Variants in PSORS1C1 observed in about 807,000 individuals in gnomAD.
PSORS1C1 encodes the protein psoriasis susceptibility 1 candidate gene 1 protein.
Under a neutral mutation model 9.4 loss-of-function variants are expected in PSORS1C1, and 7 were observed. The observed-to-expected ratio is 0.75, with a 90% CI of 0.42 to 1.40. The LOEUF is 1.40. PSORS1C1 is among the 40% of genes most tolerant of loss of function. The pLI is 0.01. For synonymous variants in PSORS1C1, 63 were observed against 69.4 expected, an observed-to-expected ratio of 0.91 and a Z score of 0.46; for missense variants, 146 against 178.1, an observed-to-expected ratio of 0.82 and a Z score of 1.02.
At position 31,139,119 on chromosome 6, in the gene PSORS1C1, A is replaced by G; in HGVS notation, c.167+340A>G. ...ATAGGGGAGGAGTGGAGGAGGGACC[A>G]GCCCAGTGGCACAGGAATACCATCA... On this transcript the variant is annotated intron_variant, in intron 5 of 5. Transcript: ENST00000259881. The surrounding 1 kb of genome is among the most constrained non-coding windows in gnomAD (Gnocchi z 5.2). 2 of 961,582 alleles carry G rather than the reference A, an allele frequency of 2.1e-6. No individual in the cohort carries two copies. Among genetic ancestry groups the G allele is most frequent in the Admixed American group, 1.9e-5 (1 of 51,564 alleles). 59.6% of individuals were successfully genotyped at this position (961,582 alleles called of 1,614,324 possible). A position where few individuals can be genotyped will look rare whatever the true frequency, so the allele number is the denominator to read the frequency against.
chr6:31,122,469 G>C (rs888938192), intron 1 of PSORS1C1, among the ~76,000 whole-genome samples: 3 of 152,138 alleles, frequency 2.0e-5, no homozygotes, highest in African/African-American at 7.2e-5. Context: ...GTGAGACAGA[G>C]ATACCATTTA....
intron 3 of PSORS1C1, among the ~76,000 whole-genome samples, chr6:31,135,729 T>C (rs1176938388): frequency 6.6e-6 from 1 of 152,172 alleles, no homozygotes; most frequent in Non-Finnish European, 1.5e-5. Context: ...ACTAGGAATA[T>C]TCACAAGGAT....
rs574245369 is a variant in PSORS1C1, at chr6:31,128,708, A to T, written c.-64-861A>T. Among the ~76,000 whole-genome samples, 9 of 152,320 alleles carry T rather than the reference A, an allele frequency of 5.9e-5. No individual in the cohort carries two copies. The South Asian group carries it at 1.9e-3, about 32-fold the overall frequency. On this transcript the variant is annotated intron_variant, in intron 2 of 5. Transcript: ENST00000259881. This position sits in a 1 kb window ranked among gnomAD's most constrained non-coding sequence, Gnocchi z 4.3. ...AGCAGGAGAAGAAAAATGTACAGTA[A>T]GAGAGCTTAAGTTTATACCAAAGCG...
intron 1 of PSORS1C1, chr6:31,117,042 C>T (rs1406714788): frequency 1.2e-6 from 2 of 1,614,110 alleles, no homozygotes; most frequent in African/African-American, 2.7e-5. Flanking sequence ...TTTGTCCAGG[C>T]TGGGAAGGGT....
intron 3 of PSORS1C1, among the ~76,000 whole-genome samples, chr6:31,130,626 C>A (rs1772871779): frequency 1.3e-5 from 2 of 152,028 alleles, no homozygotes; most frequent in Admixed American, 6.6e-5. Flanking sequence ...TGGTCTCGAT[C>A]TCCTGACCTC....
intron 3 of PSORS1C1, among the ~76,000 whole-genome samples, chr6:31,130,857 T>A (rs1772881312): frequency 6.6e-6 from 1 of 150,474 alleles, no homozygotes; most frequent in Non-Finnish European, 1.5e-5. Context: ...CCTTTTTTAA[T>A]TTTAATTTTT....
At position 31,115,722 on chromosome 6, in the gene PSORS1C1, C is replaced by T. The variant is rs1261610060; in HGVS notation, c.-229+831C>T. 1 of 461,016 alleles carries T rather than the reference C, an allele frequency of 2.2e-6. No individual in the cohort carries two copies. The allele number at this position is 461,016 out of a possible 1,614,324, so 28.6% of individuals were successfully genotyped here. A position where few individuals can be genotyped will look rare whatever the true frequency, so the allele number is the denominator to read the frequency against. On this transcript the variant is annotated intron_variant, in intron 1 of 5. Transcript: ENST00000259881. This position sits in a 1 kb window ranked among gnomAD's most constrained non-coding sequence, Gnocchi z 4.2. Reference sequence around the variant, plus strand: ...GGTGTTACTCAATGGACCATTTCCACACAGTAGAGGGAATTGTAAGGGGTG... The same window carrying T: ...GGTGTTACTCAATGGACCATTTCCATACAGTAGAGGGAATTGTAAGGGGTG...
chr6:31,131,305 T>C (rs944059492), intron 3 of PSORS1C1, among the ~76,000 whole-genome samples: 2 of 152,124 alleles, frequency 1.3e-5, no homozygotes, highest in African/African-American at 4.8e-5. Flanking sequence ...AATAAAGAGC[T>C]GGGATGGGCC....
At chr6:31,117,696 T>G (rs1772242915) in intron 1 of PSORS1C1, 2 of 641,164 alleles carry the variant, frequency 3.1e-6, no homozygotes, top group East Asian at 2.7e-5. Context: ...CTAAAGGATA[T>G]TGAGGTGGCC....
intron 3 of PSORS1C1, among the ~76,000 whole-genome samples, chr6:31,134,907 C>G (rs1773078918): frequency 6.6e-6 from 1 of 152,070 alleles, no homozygotes; most frequent in Non-Finnish European, 1.5e-5. Context: ...GCCTCAACCT[C>G]CCAGGGTCAA....
At position 31,139,543 on chromosome 6, in the gene PSORS1C1, C is replaced by T; in HGVS notation, c.168-98C>T. On this transcript the variant is annotated intron_variant, in intron 5 of 5. Coordinates refer to ENST00000259881, the MANE Select transcript of PSORS1C1 (RefSeq NM_014068.3). This position sits in a 1 kb window ranked among gnomAD's most constrained non-coding sequence, Gnocchi z 5.2. ...ACTACCCCAGCCTCCCCACTCACCCCCGCACTGAAAGCTCCCCCTGGGGCT... is the reference window on the plus strand; with the variant it reads ...ACTACCCCAGCCTCCCCACTCACCCTCGCACTGAAAGCTCCCCCTGGGGCT... 1.6e-6 allele frequency: 2 copies of T among 1,233,384 alleles called. No individual in the cohort carries two copies. The highest frequency in any genetic ancestry group is 2.3e-6 in the Non-Finnish European group (2 of 881,946). 76.4% of individuals were successfully genotyped at this position (1,233,384 alleles called of 1,614,324 possible).
chr6:31,138,964 C>CA, intron 5 of PSORS1C1, 185 bp downstream of exon 5: 1 of 1,613,972 alleles, frequency 6.2e-7, no homozygotes, highest in Non-Finnish European at 8.5e-7. Flanking sequence ...CCTCTGTTCC[C>CA]ACCTCACCTC....
intron 3 of PSORS1C1, among the ~76,000 whole-genome samples, chr6:31,134,123 C>T (rs529172985): frequency 1.3e-5 from 2 of 151,790 alleles, no homozygotes; most frequent in South Asian, 4.2e-4. Flanking sequence ...GGATTACAGG[C>T]GCCCGCCACC....
chr6:31,131,223 C>T (rs1772897753), intron 3 of PSORS1C1, among the ~76,000 whole-genome samples: 1 of 152,042 alleles, frequency 6.6e-6, no homozygotes, highest in South Asian at 2.1e-4. Flanking sequence ...AATAATTTAG[C>T]CTTTCACAAA....
In PSORS1C1 at chr6:31,115,865, G is replaced by C. The variant is rs1772079320; in HGVS notation, c.-229+974G>C. On this transcript the variant is annotated intron_variant, in intron 1 of 5. Transcript: ENST00000259881. The surrounding 1 kb of genome is among the most constrained non-coding windows in gnomAD (Gnocchi z 4.2). Reference sequence around the variant, plus strand: ...GGAAGGAGGAAGGGGTGATAAGAGAGAGTCTGCAACCTTGGGGTAGTGGAG... The same window carrying C: ...GGAAGGAGGAAGGGGTGATAAGAGACAGTCTGCAACCTTGGGGTAGTGGAG... 1.6e-6 allele frequency: 1 copy of C among 633,162 alleles called. No homozygotes were observed. The highest frequency in any genetic ancestry group is 2.8e-6 in the Non-Finnish European group (1 of 352,590). The allele number at this position is 633,162 out of a possible 1,614,324, so 39.2% of individuals were successfully genotyped here.
rs1258261779 is a variant in PSORS1C1 at position 31,115,036 on chromosome 6, C to T, written c.-229+145C>T. 1 of 370,722 alleles carries T rather than the reference C, an allele frequency of 2.7e-6. No individual in the cohort carries two copies. The highest frequency in any genetic ancestry group is 2.0e-5 in the South Asian group (1 of 48,926). 23.0% of individuals were successfully genotyped at this position (370,722 alleles called of 1,614,324 possible). ...TGGGAAGAGAATGGATTTCCTGGAGCAATGAGAGAGGAGGGAAATGGCGGA... is the reference window on the plus strand; with the variant it reads ...TGGGAAGAGAATGGATTTCCTGGAGTAATGAGAGAGGAGGGAAATGGCGGA... On this transcript the variant is annotated intron_variant, in intron 1 of 5. Transcript: ENST00000259881. This position sits in a 1 kb window ranked among gnomAD's most constrained non-coding sequence, Gnocchi z 4.2.
In PSORS1C1 at chr6:31,129,595, G is replaced by A. The variant is rs1403471015; in HGVS notation, c.-38G>A. On this transcript the variant is annotated 5_prime_UTR_variant, in exon 3 of 6. Coordinates refer to ENST00000259881, the MANE Select transcript of PSORS1C1 (RefSeq NM_014068.3). The stretch of plus-strand genomic sequence containing the variant: ...CTGGGAAGAATTGGTTTGCAGCCAG[G>A]CAGTCCTCCATCCAGTCTTGACTTT... 2.6e-6 allele frequency: 2 copies of A among 779,498 alleles called. No individual in the cohort carries two copies. The highest frequency in any genetic ancestry group is 3.4e-5 in the African/African-American group (2 of 59,124). 48.3% of individuals were successfully genotyped at this position (779,498 alleles called of 1,614,324 possible).
Position 31,115,708 on chromosome 6 carries a change from A to G in PSORS1C1, c.-229+817A>G. 2.4e-6 allele frequency: 1 copy of G among 411,766 alleles called. No individual in the cohort carries two copies. Among genetic ancestry groups the G allele is most frequent in the South Asian group, 6.4e-5 (1 of 15,654 alleles). The allele number at this position is 411,766 out of a possible 1,614,324, so 25.5% of individuals were successfully genotyped here. On this transcript the variant is annotated intron_variant, in intron 1 of 5. Transcript: ENST00000259881. This position sits in a 1 kb window ranked among gnomAD's most constrained non-coding sequence, Gnocchi z 4.2. ...GAGAAGCTGATGGGGGTGTTACTCA[A>G]TGGACCATTTCCACACAGTAGAGGG... is the stretch of plus-strand genomic sequence containing the variant.
intron 1 of PSORS1C1, among the ~76,000 whole-genome samples, chr6:31,123,555 C>T (rs1581848350): frequency 6.6e-6 from 1 of 152,214 alleles, no homozygotes; most frequent in Non-Finnish European, 1.5e-5. Context: ...CTGCCCGTGC[C>T]CGTGCATTGG....
Sources: allele counts gnomAD v4.1 joint callset (sites outside exome capture counted in the v4.1 genomes callset), GRCh38; gene constraint gnomAD v4.1.1; non-coding constraint Gnocchi (gnomAD v3.1); transcripts MANE v1.5; gene names NCBI Gene and HGNC (gene_info 2026-07-23, HGNC 2026-07-21).